SCN10A: variants seen among roughly 807,000 people sequenced by gnomAD.
SCN10A encodes sodium voltage-gated channel alpha subunit 10.
A neutral mutation model predicts 170.7 loss-of-function variants in SCN10A; 162 were observed. The observed-to-expected ratio is 0.95, with a 90% CI of 0.84 to 1.08. The LOEUF is 1.08. Among genes scored for constraint, SCN10A ranks in the 50% least tolerant of loss-of-function variants. The pLI is 0.00. For synonymous variants in SCN10A, 985 were observed against 904.6 expected (o/e 1.09, Z -1.59); for missense variants, 2,527 against 2,436.9 (o/e 1.04, Z -0.78).
At position 38,697,978 on chromosome 3, in the gene SCN10A, A is replaced by T. The variant is rs2063112527; in HGVS notation, c.5242T>A (p.Trp1748Arg). 1 of 1,614,200 alleles carries T rather than the reference A, an allele frequency of 6.2e-7. No homozygotes were observed. Among genetic ancestry groups the T allele is most frequent in the Non-Finnish European group, 8.5e-7 (1 of 1,180,034 alleles). ...EDDFDMFYETWEKFDPEATQF... is the reference protein window; with the variant it reads ...EDDFDMFYETREKFDPEATQF... The stretch of plus-strand genomic sequence containing the variant: ...GTGGCCTCTGGGTCAAACTTCTCCC[A>T]GGTCTCATAGAACATGTCAAAGTCG... The change falls in exon 28 of 28, where the codon TGG becomes AGG. Residue 1748 changes from tryptophan (W) to arginine (R), a missense_variant. Trp to Arg is a moderately radical substitution (Grantham distance 101). Transcript: ENST00000449082.
In SCN10A at chr3:38,763,601, A is replaced by G; in HGVS notation, c.600-5T>C. 6.2e-7 allele frequency: 1 copy of G among 1,611,322 alleles called. No homozygotes were observed. The highest frequency in any genetic ancestry group is 8.5e-7 in the Non-Finnish European group (1 of 1,177,566). ...TCTATTGCTGTGCCAACATATCTGT[A>G]GGACCAGAAGTTAGTCAGCATCTCT... is the stretch of plus-strand genomic sequence containing the variant. On this transcript the variant is annotated splice_region_variant and splice_polypyrimidine_tract_variant and intron_variant, in intron 5 of 27. Transcript: ENST00000449082.
At chr3:38,778,083 T>C (rs2064097339) in intron 4 of SCN10A, among the ~76,000 whole-genome samples, 1 of 152,042 alleles carries the variant, frequency 6.6e-6, no homozygotes, top group South Asian at 2.1e-4. Flanking sequence ...AAAGCACACA[T>C]ATAAAATGAT....
At chr3:38,803,240 G>C (rs2064384439) in intron 1 of SCN10A, among the ~76,000 whole-genome samples, 1 of 152,130 alleles carries the variant, frequency 6.6e-6, no homozygotes, top group Non-Finnish European at 1.5e-5. Context: ...AAGACAGTGT[G>C]GCAATTCCTC....
chr3:38,760,656 G>A (rs2063858740), intron 8 of SCN10A, 25 bp downstream of exon 8: 1 of 1,591,260 alleles, frequency 6.3e-7, no homozygotes, highest in South Asian at 1.1e-5. Context: ...GGGCACTCGT[G>A]CTTTGTCATA....
chr3:38,744,318 G>GA (rs1559438525), intron 13 of SCN10A, among the ~76,000 whole-genome samples: 4 of 151,618 alleles, frequency 2.6e-5, no homozygotes, highest in Non-Finnish European at 2.9e-5. Flanking sequence ...AGTGTTTAGG[G>GA]TTTTTTTTAC....
intron 27 of SCN10A, among the ~76,000 whole-genome samples, chr3:38,699,042 A>C (rs2063128944): frequency 6.6e-6 from 1 of 151,492 alleles, no homozygotes; most frequent in South Asian, 2.1e-4. Flanking sequence ...CCTACCTCCT[A>C]CTGTGAAGAT....
chr3:38,698,714 G>A (rs2063125386), intron 27 of SCN10A, 152 bp from the exon 28 acceptor site: 1 of 670,974 alleles, frequency 1.5e-6, no homozygotes, highest in African/African-American at 1.8e-5. Context: ...GGCATGGTAG[G>A]TAGCACAAAG....
At chr3:38,719,376 T>C (rs1310332457) in intron 20 of SCN10A, among the ~76,000 whole-genome samples, 1 of 18,840 alleles carries the variant, frequency 5.3e-5, no homozygotes, top group African/African-American at 5.1e-4. Flanking sequence ...TCTTTTTTTT[T>C]TTTTTTTTTT....
At chr3:38,810,986 T>C (rs913039996) in intron 1 of SCN10A, among the ~76,000 whole-genome samples, 2 of 152,216 alleles carry the variant, frequency 1.3e-5, no homozygotes, top group African/African-American at 2.4e-5. Flanking sequence ...ATATTTTCCA[T>C]TGGTTAAGAA....
At chr3:38,740,838 C>T (rs1244105029) in intron 14 of SCN10A, among the ~76,000 whole-genome samples, 2 of 152,204 alleles carry the variant, frequency 1.3e-5, no homozygotes, top group Non-Finnish European at 1.5e-5. Flanking sequence ...CCTTTTCTCT[C>T]TCTTGCTTCC....
chr3:38,701,022 C>T (rs965116728), intron 27 of SCN10A, among the ~76,000 whole-genome samples: 12 of 152,154 alleles, frequency 7.9e-5, no homozygotes, highest in African/African-American at 2.9e-4. Context: ...AACTCTGTGA[C>T]CCTGCATAAT....
Position 38,742,293 on chromosome 3 carries a change from T to C in SCN10A, c.2104A>G (p.Ile702Val). 1.2e-6 allele frequency: 2 copies of C among 1,604,246 alleles called. No individual in the cohort carries two copies. The highest frequency in any genetic ancestry group is 1.7e-6 in the Non-Finnish European group (2 of 1,174,364). Residue 702 changes from isoleucine to valine, a missense_variant and splice_region_variant, in exon 14 of 28, where the codon ATC becomes GTC. Physicochemically the swap from Ile to Val is conservative, Grantham distance 29. Transcript: ENST00000449082. ...TFEAMLQIGN[I>V]VFTIFFTAEM... Reference sequence around the variant, plus strand: ...GCAGTACCAGCCAGAGCACTCACGATGTTGCCTATCTGGAGCATGGCTTCG... The same window carrying C: ...GCAGTACCAGCCAGAGCACTCACGACGTTGCCTATCTGGAGCATGGCTTCG...
chr3:38,748,759 C>A (rs1468613043), intron 13 of SCN10A, among the ~76,000 whole-genome samples: 1 of 152,186 alleles, frequency 6.6e-6, no homozygotes, highest in Non-Finnish European at 1.5e-5. Flanking sequence ...CAGGCCTTCT[C>A]TAACCTAAGG....
intron 4 of SCN10A, among the ~76,000 whole-genome samples, chr3:38,780,610 G>A (rs1246318816): frequency 6.6e-6 from 1 of 151,758 alleles, no homozygotes; most frequent in Non-Finnish European, 1.5e-5. Context: ...TTAAATAAAT[G>A]TGACCATGTT....
chr3:38,712,273 A>T lies in SCN10A; in HGVS notation c.3977T>A (p.Val1326Glu). 1 of 1,614,232 alleles carries T rather than the reference A, an allele frequency of 6.2e-7. No individual in the cohort carries two copies. The highest frequency in any genetic ancestry group is 1.1e-5 in the South Asian group (1 of 91,086). Reference protein sequence around the residue: ...GEFSLVPLSIVNNKSDCKIQN... With the variant: ...GEFSLVPLSIENNKSDCKIQN... ...AATCTTGCAGTCAGACTTGTTATTC[A>T]CAATCGACAAAGGTACAAGGGAAAA... The change falls in exon 23 of 28, where the codon GTG becomes GAG. Residue 1326 changes from valine (V) to glutamate (E), a missense_variant. Physicochemically the swap from Val to Glu is moderately radical, Grantham distance 121. Transcript: ENST00000449082.
chr3:38,804,316 G>A (rs1021085699), intron 1 of SCN10A, among the ~76,000 whole-genome samples: 2 of 151,954 alleles, frequency 1.3e-5, no homozygotes, highest in Non-Finnish European at 1.5e-5. Context: ...AAGACTCCCC[G>A]ACCATCCTTT....
chr3:38,793,064 C>CA (rs2126061011), intron 2 of SCN10A, among the ~76,000 whole-genome samples: 1 of 151,868 alleles, frequency 6.6e-6, no homozygotes, highest in South Asian at 2.1e-4. Flanking sequence ...GATGTATACA[C>CA]ACATATATAC....
rs1002662568 is a variant in SCN10A, at chr3:38,791,543, T to C, written c.389+507A>G. 6.6e-5 allele frequency among the ~76,000 whole-genome samples: 10 copies of C among 152,214 alleles called. No individual in the cohort carries two copies. The South Asian group carries it at 1.2e-3, about 19-fold the overall frequency. ...GAGGTCCCATTGAGACTATGTGTGC[T>C]CTTCCCATCATGGTCTGTTTTCCTT... On this transcript the variant is annotated intron_variant, in intron 3 of 27. Coordinates refer to ENST00000449082, the MANE Select transcript of SCN10A (RefSeq NM_006514.4).
chr3:38,730,171 C>A (rs948637821), intron 15 of SCN10A, among the ~76,000 whole-genome samples: 9 of 152,182 alleles, frequency 5.9e-5, no homozygotes, highest in Non-Finnish European at 4.4e-5. Context: ...AAGAGCTATA[C>A]CCTTCATGTA....
Sources: gnomAD v4.1 joint callset for allele counts (sites outside exome capture counted in the v4.1 genomes callset) on GRCh38, gnomAD v4.1.1 for gene constraint, MANE v1.5 for transcripts, NCBI Gene and HGNC (gene_info 2026-07-23, HGNC 2026-07-21) for gene names.